The following ASXL2 variants were observed in gnomAD, a reference collection of about 807,000 sequenced individuals.
ASXL2 encodes the protein ASXL transcriptional regulator 2.
Under a neutral mutation model 122.0 loss-of-function variants are expected in ASXL2, and 23 were observed. That is an observed-to-expected ratio of 0.19 (90% CI 0.14 to 0.27). The LOEUF is 0.27. Among genes scored for constraint, ASXL2 ranks in the 10% least tolerant of loss-of-function variants. ASXL2 has a pLI of 1.00. For synonymous variants in ASXL2, 650 were observed against 637.0 expected, an observed-to-expected ratio of 1.02 and a Z score of -0.31; for missense variants, 1,518 against 1,713.8, an observed-to-expected ratio of 0.89 and a Z score of 2.02.
At chr2:25,866,009 C>A (rs1228258571) in intron 1 of ASXL2, among the ~76,000 whole-genome samples, 1 of 151,948 alleles carries the variant, frequency 6.6e-6, no homozygotes. Flanking sequence ...TTACTTGGTA[C>A]AAACGCATCA....
chr2:25,754,593 CTG>C (rs2088101680), intron 10 of ASXL2, among the ~76,000 whole-genome samples: 1 of 152,114 alleles, frequency 6.6e-6, no homozygotes, highest in South Asian at 2.1e-4. Context: ...GTACTGGACT[CTG>C]TTCACATATA....
chr2:25,800,913 TAGTG>T (rs751083918), intron 4 of ASXL2, among the ~76,000 whole-genome samples: 1 of 152,146 alleles, frequency 6.6e-6, no homozygotes, highest in African/African-American at 2.4e-5. Context: ...CTAAACACAC[TAGTG>T]AGTGTTTGTG....
chr2:25,747,844 A>T (rs747232032), intron 12 of ASXL2, among the ~76,000 whole-genome samples: 1 of 152,158 alleles, frequency 6.6e-6, no homozygotes, highest in Non-Finnish European at 1.5e-5. Context: ...ACCCCCATAG[A>T]TTCGTAAGTG....
At chr2:25,749,561 A>T in intron 12 of ASXL2, 135 bp downstream of exon 12, 1 of 666,308 alleles carries the variant, frequency 1.5e-6, no homozygotes, top group Non-Finnish European at 2.4e-6. Context: ...GTAAGACCAT[A>T]GTTACATATT....
chr2:25,843,336 A>T (rs1411949837), intron 2 of ASXL2, among the ~76,000 whole-genome samples: 3 of 148,894 alleles, frequency 2.0e-5, no homozygotes, highest in Non-Finnish European at 4.5e-5. Context: ...ACGGGGTTTT[A>T]CCATGTTGCC....
intron 5 of ASXL2, among the ~76,000 whole-genome samples, chr2:25,780,694 T>G (rs2088619905): frequency 6.6e-6 from 1 of 152,208 alleles, no homozygotes; most frequent in South Asian, 2.1e-4. Flanking sequence ...TCTCTGAGGT[T>G]AATTCTTAGA....
intron 3 of ASXL2, chr2:25,822,410 G>T: frequency 3.3e-6 from 1 of 299,362 alleles, no homozygotes; most frequent in Non-Finnish European, 6.3e-6. Flanking sequence ...CGACTCCCTA[G>T]CAGCAGTCGA....
chr2:25,866,795 T>C (rs1330288846), intron 1 of ASXL2, among the ~76,000 whole-genome samples: 3 of 152,004 alleles, frequency 2.0e-5, no homozygotes, highest in African/African-American at 7.2e-5. Context: ...TGCACAGGTA[T>C]GATCTCGGCT....
intron 3 of ASXL2, among the ~76,000 whole-genome samples, chr2:25,834,360 AT>A (rs1488375911): frequency 6.6e-6 from 1 of 152,144 alleles, no homozygotes; most frequent in African/African-American, 2.4e-5. Flanking sequence ...CTCCAAAAAA[AT>A]AAATAAATAA....
intron 8 of ASXL2, among the ~76,000 whole-genome samples, chr2:25,761,900 A>T (rs2088257239): frequency 6.6e-6 from 1 of 152,148 alleles, no homozygotes; most frequent in Admixed American, 6.5e-5. Flanking sequence ...TTCTTATTGT[A>T]CTTCAGGAAA....
At chr2:25,831,971 A>G (rs2149186982) in intron 3 of ASXL2, among the ~76,000 whole-genome samples, 1 of 152,356 alleles carries the variant, frequency 6.6e-6, no homozygotes, top group East Asian at 1.9e-4. Context: ...AAGAACTGTC[A>G]ATTGTGAATT....
chr2:25,801,808 T>C (rs2089002897), intron 4 of ASXL2, among the ~76,000 whole-genome samples: 1 of 152,138 alleles, frequency 6.6e-6, no homozygotes, highest in African/African-American at 2.4e-5. Flanking sequence ...CAAACAACCA[T>C]AACCACCTTT....
At chr2:25,810,526 T>C (rs548115829) in intron 3 of ASXL2, 233 of 739,990 alleles carry the variant, frequency 3.1e-4, no homozygotes, top group Non-Finnish European at 4.8e-4. Context: ...AGCCTCAGCC[T>C]GTTCCCAGGC....
chr2:25,779,563 A>G (rs1224948644), intron 5 of ASXL2, among the ~76,000 whole-genome samples: 2 of 152,208 alleles, frequency 1.3e-5, no homozygotes, highest in Non-Finnish European at 2.9e-5. Context: ...GTCTCCTTCA[A>G]CATCTGTAAA....
intron 2 of ASXL2, among the ~76,000 whole-genome samples, chr2:25,838,989 G>T (rs781194389): frequency 6.6e-6 from 1 of 152,140 alleles, no homozygotes; most frequent in Non-Finnish European, 1.5e-5. Context: ...CACATGAGCT[G>T]TAATAATGAG....
intron 1 of ASXL2, among the ~76,000 whole-genome samples, chr2:25,855,819 G>A (rs1330220095): frequency 7.0e-6 from 1 of 142,788 alleles, no homozygotes; most frequent in African/African-American, 2.6e-5. Flanking sequence ...CTGGGCGACA[G>A]AGCGAGACTC....
rs1038189572 is a variant in ASXL2 at position 25,735,026 on chromosome 2, CTTTAGGTTCTTTTGGGTTTGA to C, written c.*6982_*7002del. ...GAAAATCAGGATTTTTAAAAATTCC[CTTTAGGTTCTTTTGGGTTTGA>C]AGAAGCACGAAAAGCAAGGTTGCAG... On this transcript the variant is annotated 3_prime_UTR_variant, in exon 13 of 13. Transcript: ENST00000435504. 1 of 152,066 alleles carries C rather than the reference CTTTAGGTTCTTTTGGGTTTGA, an allele frequency of 6.6e-6. No homozygotes were observed. The allele number at this position is 152,066 out of a possible 1,614,324, so 9.4% of individuals were successfully genotyped here.
intron 4 of ASXL2, among the ~76,000 whole-genome samples, chr2:25,805,992 T>G (rs1329132955): frequency 6.6e-6 from 1 of 152,190 alleles, no homozygotes. Context: ...TCATTTTAAT[T>G]TCGTTCTTTC....
At chr2:25,860,055 C>G (rs2089825651) in intron 1 of ASXL2, among the ~76,000 whole-genome samples, 1 of 152,182 alleles carries the variant, frequency 6.6e-6, no homozygotes, top group South Asian at 2.1e-4. Context: ...GGCATGGTGG[C>G]TCACACCTGT....
Sources: allele counts gnomAD v4.1 joint callset (sites outside exome capture counted in the v4.1 genomes callset), GRCh38; gene constraint gnomAD v4.1.1; transcripts MANE v1.5; gene names NCBI Gene and HGNC (gene_info 2026-07-23, HGNC 2026-07-21).